The following DAB1 variants were observed in gnomAD, a reference collection of about 807,000 sequenced individuals.
DAB1 encodes the protein disabled homolog 1.
A neutral mutation model predicts 64.6 loss-of-function variants in DAB1; 15 were observed. The ratio of observed to expected loss-of-function variants is 0.23; its 90% CI spans 0.16 to 0.36. DAB1 has a LOEUF of 0.36. DAB1 is among the 10% of genes least tolerant of loss of function. DAB1 has a pLI of 1.00. For missense variants in DAB1, 596 were observed against 706.7 expected (o/e 0.84, Z 1.78); for synonymous variants, 235 against 251.9 (o/e 0.93, Z 0.64).
chr1:58,262,986 G>A (rs1427472242), intron 4 of DAB1, among the ~76,000 whole-genome samples: 2 of 152,174 alleles, frequency 1.3e-5, no homozygotes, highest in Non-Finnish European at 2.9e-5. Context: ...TATGTAACAT[G>A]AGCGAGAAAT....
chr1:57,091,914 G>C (rs1437971071), intron 4 of DAB1, among the ~76,000 whole-genome samples: 1 of 152,170 alleles, frequency 6.6e-6, no homozygotes, highest in Non-Finnish European at 1.5e-5. Flanking sequence ...AGAGCACTCC[G>C]TAACTGGCCC....
Position 57,473,099 on chromosome 1 carries a change from T to A in DAB1, n.625+176493A>T, listed in dbSNP as rs541821048. The stretch of plus-strand genomic sequence containing the variant: ...GCACATGACTTTAGCTTAGAAGTCA[T>A]CACCATGATTGTATGTATAGCGGAG... On this transcript the variant is annotated intron_variant and non_coding_transcript_variant, in intron 7 of 20. Transcript: ENST00000485760. 4.6e-5 allele frequency among the ~76,000 whole-genome samples: 7 copies of A among 152,328 alleles called. No individual in the cohort carries two copies. In the South Asian group the frequency reaches 1.4e-3, roughly 32 times the overall value.
intron 7 of DAB1, chr1:57,605,819 C>G (rs576036371): frequency 2.1e-6 from 1 of 476,956 alleles, no homozygotes; most frequent in Non-Finnish European, 3.9e-6. Flanking sequence ...TTTAAACAAC[C>G]AGTAATCAAT....
intron 5 of DAB1, among the ~76,000 whole-genome samples, chr1:58,142,574 G>T (rs913871594): frequency 6.6e-6 from 1 of 152,234 alleles, no homozygotes; most frequent in African/African-American, 2.4e-5. Flanking sequence ...AGTGAAAGGA[G>T]ATTTCCTTGG....
intron 3 of DAB1, among the ~76,000 whole-genome samples, chr1:58,375,605 G>A (rs1426683110): frequency 1.3e-5 from 2 of 148,624 alleles, no homozygotes; most frequent in Non-Finnish European, 3.0e-5. Flanking sequence ...GAAGATTTTT[G>A]CATCAATGTT....
At chr1:58,427,518 G>A (rs1478562880) in intron 3 of DAB1, among the ~76,000 whole-genome samples, 1 of 152,140 alleles carries the variant, frequency 6.6e-6, no homozygotes, top group Non-Finnish European at 1.5e-5. Flanking sequence ...TTAGTTCAGG[G>A]TGGCAGCAGT....
intron 7 of DAB1, among the ~76,000 whole-genome samples, chr1:57,443,702 T>G (rs1472821967): frequency 6.6e-6 from 1 of 152,142 alleles, no homozygotes; most frequent in East Asian, 1.9e-4. Context: ...TCTGCTTCAT[T>G]CCCCTATAGC....
At chr1:58,101,374 G>A (rs1224491081) in intron 5 of DAB1, among the ~76,000 whole-genome samples, 2 of 152,024 alleles carry the variant, frequency 1.3e-5, no homozygotes, top group African/African-American at 4.8e-5. Context: ...CTGTCACTGG[G>A]GTCAGTTGCT....
chr1:57,502,214 G>C (rs1436124956), intron 7 of DAB1, among the ~76,000 whole-genome samples: 1 of 151,652 alleles, frequency 6.6e-6, no homozygotes, highest in East Asian at 1.9e-4. Flanking sequence ...CAGCTACTCA[G>C]GAGGCTGAGG....
At chr1:57,367,936 C>T (rs1680192460) in intron 1 of DAB1, among the ~76,000 whole-genome samples, 1 of 152,220 alleles carries the variant, frequency 6.6e-6, no homozygotes, top group African/African-American at 2.4e-5. Flanking sequence ...GGTGCAGCTG[C>T]AGCCGCCCAA....
intron 7 of DAB1, among the ~76,000 whole-genome samples, chr1:57,471,604 T>C (rs1687138782): frequency 6.6e-6 from 1 of 152,162 alleles, no homozygotes; most frequent in African/African-American, 2.4e-5. Context: ...TCTCACAAGA[T>C]CTGTTGGTTT....
chr1:58,373,885 A>C (rs1240031450), intron 3 of DAB1, among the ~76,000 whole-genome samples: 2 of 150,494 alleles, frequency 1.3e-5, no homozygotes, highest in Non-Finnish European at 3.0e-5. Context: ...CTGGTGTGAG[A>C]TGATATCTCA....
At chr1:57,711,439 T>G (rs1647028095) in intron 6 of DAB1, among the ~76,000 whole-genome samples, 1 of 152,228 alleles carries the variant, frequency 6.6e-6, no homozygotes, top group South Asian at 2.1e-4. Context: ...CTCTGGCTTC[T>G]TCCTGCTGAC....
At chr1:58,095,507 C>T (rs1650925178) in intron 5 of DAB1, among the ~76,000 whole-genome samples, 1 of 152,174 alleles carries the variant, frequency 6.6e-6, no homozygotes, top group Non-Finnish European at 1.5e-5. Flanking sequence ...GCCTTGGAGG[C>T]TCCTTCCCAT....
intron 4 of DAB1, among the ~76,000 whole-genome samples, chr1:58,294,865 CGT>C (rs55922554): frequency 0.012 from 1,624 of 137,692 alleles, 35 homozygotes; most frequent in African/African-American, 0.037. Flanking sequence ...TGGTCCAGAA[CGT>C]GTGTGTGTGT....
At chr1:57,626,714 G>C (rs898794935) in intron 7 of DAB1, among the ~76,000 whole-genome samples, 1 of 152,126 alleles carries the variant, frequency 6.6e-6, no homozygotes, top group African/African-American at 2.4e-5. Flanking sequence ...CCTGCTTCCT[G>C]CTTCACAGAT....
At chr1:57,698,787 T>C (rs181852808) in intron 6 of DAB1, among the ~76,000 whole-genome samples, 74 of 152,336 alleles carry the variant, frequency 4.9e-4, no homozygotes, top group African/African-American at 1.7e-3. Flanking sequence ...TTCTCCTTCC[T>C]GAATTCAGAA....
At chr1:57,397,356 T>C (rs1415790301) in intron 1 of DAB1, among the ~76,000 whole-genome samples, 8 of 152,212 alleles carry the variant, frequency 5.3e-5, no homozygotes, top group Admixed American at 4.6e-4. Flanking sequence ...CACCAACAGA[T>C]ACATGTTTCA....
intron 1 of DAB1, among the ~76,000 whole-genome samples, chr1:58,528,351 G>A (rs1459790102): frequency 6.6e-6 from 1 of 152,202 alleles, no homozygotes; most frequent in African/African-American, 2.4e-5. Flanking sequence ...AGTATCATAT[G>A]TAAAATGAAG....
Sources: gnomAD v4.1 joint callset for allele counts (sites outside exome capture counted in the v4.1 genomes callset) on GRCh38, gnomAD v4.1.1 for gene constraint, MANE v1.5 for transcripts, NCBI Gene and HGNC (gene_info 2026-07-23, HGNC 2026-07-21) for gene names.